The following DLG1 variants were observed in gnomAD, a reference collection of about 807,000 sequenced individuals.
DLG1 encodes disks large homolog 1.
A neutral mutation model predicts 123.4 loss-of-function variants in DLG1; 42 were observed. The ratio of observed to expected loss-of-function variants is 0.34; its 90% CI spans 0.27 to 0.44. The LOEUF (loss-of-function observed/expected upper bound fraction) is 0.44. DLG1 is among the 20% of genes least tolerant of loss of function. The probability of loss-of-function intolerance (pLI) is 1.00; values close to 1 mark genes in which losing one functional copy is unlikely to be tolerated. For missense variants in DLG1, 942 were observed against 1,082.6 expected, an observed-to-expected ratio of 0.87 and a Z score of 1.82; for synonymous variants, 317 against 356.2, an observed-to-expected ratio of 0.89 and a Z score of 1.24.
intron 3 of DLG1, among the ~76,000 whole-genome samples, chr3:197,289,367 C>A (rs1773719119): frequency 6.6e-6 from 1 of 151,832 alleles, no homozygotes; most frequent in Non-Finnish European, 1.5e-5. Context: ...CACACACACA[C>A]AAATAACATT....
At chr3:197,213,807 T>C (rs1261850435) in intron 4 of DLG1, among the ~76,000 whole-genome samples, 2 of 152,246 alleles carry the variant, frequency 1.3e-5, no homozygotes, top group Non-Finnish European at 2.9e-5. Flanking sequence ...ATAATGTTTT[T>C]GCAATCAAAA....
At chr3:197,154,641 C>T (rs900216966) in intron 5 of DLG1, among the ~76,000 whole-genome samples, 2 of 151,740 alleles carry the variant, frequency 1.3e-5, no homozygotes, top group Non-Finnish European at 2.9e-5. Flanking sequence ...CACCACTGCA[C>T]TCCAGCCTGG....
intron 11 of DLG1, among the ~76,000 whole-genome samples, chr3:197,125,963 C>T (rs73210510): frequency 0.14 from 20,672 of 150,310 alleles, 1,771 homozygotes; most frequent in South Asian, 0.35. Context: ...ACAAGTAAAA[C>T]TCACTTATGT....
At chr3:197,147,025 C>T (rs770132822) in intron 6 of DLG1, among the ~76,000 whole-genome samples, 18 of 152,066 alleles carry the variant, frequency 1.2e-4, no homozygotes, top group Non-Finnish European at 2.6e-4. Flanking sequence ...ACGCAAATGG[C>T]TGACAAGCAT....
At chr3:197,129,978 C>T (rs980694151) in intron 11 of DLG1, among the ~76,000 whole-genome samples, 10 of 151,894 alleles carry the variant, frequency 6.6e-5, no homozygotes, top group Admixed American at 3.3e-4. Flanking sequence ...TGAAATATTG[C>T]GAGATTTACC....
intron 5 of DLG1, among the ~76,000 whole-genome samples, chr3:197,160,688 T>C (rs1798442206): frequency 6.6e-6 from 1 of 152,344 alleles, no homozygotes; most frequent in South Asian, 2.1e-4. Flanking sequence ...GTTGTATGGA[T>C]GTTCCCACTG....
chr3:197,250,543 C>A (rs1170226863), intron 4 of DLG1, among the ~76,000 whole-genome samples: 1 of 146,228 alleles, frequency 6.8e-6, no homozygotes, highest in Non-Finnish European at 1.5e-5. Flanking sequence ...CACTCCAGCC[C>A]TGGCGACAGA....
At chr3:197,119,723 T>C (rs1279612380) in intron 11 of DLG1, among the ~76,000 whole-genome samples, 193 bp from the exon 12 acceptor site, 4 of 152,176 alleles carry the variant, frequency 2.6e-5, no homozygotes, top group Non-Finnish European at 5.9e-5. Flanking sequence ...CCTGAAGTGA[T>C]ACTCCCACCT....
chr3:197,225,685 A>G (rs1739500448), intron 4 of DLG1, among the ~76,000 whole-genome samples: 1 of 152,212 alleles, frequency 6.6e-6, no homozygotes. Context: ...CTTTTCTACT[A>G]TATCTTAACT....
chr3:197,284,601 A>G (rs1770913040), intron 3 of DLG1, among the ~76,000 whole-genome samples: 1 of 152,212 alleles, frequency 6.6e-6, no homozygotes, highest in South Asian at 2.1e-4. Context: ...AAGATCCAGA[A>G]AGCTTACCAA....
chr3:197,080,690 A>G (rs570932071), intron 17 of DLG1: 114 of 161,172 alleles, frequency 7.1e-4, no homozygotes, highest in Non-Finnish European at 1.4e-3. Context: ...TCTAACTCCT[A>G]ACCTCAGGTG....
chr3:197,287,547 C>T (rs1772475424), intron 3 of DLG1, among the ~76,000 whole-genome samples: 1 of 151,926 alleles, frequency 6.6e-6, no homozygotes, highest in African/African-American at 2.4e-5. Flanking sequence ...AGTTTAAAAG[C>T]AAGTAACACG....
At chr3:197,289,277 A>G (rs943479334) in intron 3 of DLG1, among the ~76,000 whole-genome samples, 2 of 152,178 alleles carry the variant, frequency 1.3e-5, no homozygotes, top group Non-Finnish European at 2.9e-5. Context: ...CAAGGGAAAT[A>G]ACTGTTTTAC....
At chr3:197,084,931 C>T (rs1578821916) in intron 16 of DLG1, among the ~76,000 whole-genome samples, 1 of 151,458 alleles carries the variant, frequency 6.6e-6, no homozygotes, top group Non-Finnish European at 1.5e-5. Context: ...GGACTACAGG[C>T]GTGTGCCTCC....
intron 4 of DLG1, among the ~76,000 whole-genome samples, chr3:197,281,279 T>C (rs1769234565): frequency 6.6e-6 from 1 of 152,090 alleles, no homozygotes; most frequent in South Asian, 2.1e-4. Flanking sequence ...CCTCAAGCAA[T>C]CCACCCGCCT....
At chr3:197,151,413 A>C (rs1022517922) in intron 5 of DLG1, among the ~76,000 whole-genome samples, 1 of 152,154 alleles carries the variant, frequency 6.6e-6, no homozygotes, top group Admixed American at 6.5e-5. Context: ...ATTTTATAGA[A>C]GTTACCTTTT....
intron 4 of DLG1, among the ~76,000 whole-genome samples, chr3:197,253,936 G>C (rs1169934250): frequency 6.6e-6 from 1 of 150,922 alleles, no homozygotes; most frequent in Non-Finnish European, 1.5e-5. Context: ...AAAAAAAAAA[G>C]GAAATGGAAA....
In DLG1 at chr3:197,042,791, C is replaced by G. The variant is rs1720986129; in HGVS notation, c.*1832G>C. On this transcript the variant is annotated 3_prime_UTR_variant, in exon 25 of 25. Transcript: ENST00000667157. ...AGTCTAACAGCAGCACTGTGTATTT[C>G]AATGTGGTAACACACTCTGCTGCCT... 2.0e-5 allele frequency: 3 copies of G among 152,198 alleles called. No homozygotes were observed. The South Asian group carries it at 6.2e-4, about 31-fold the overall frequency. The allele number at this position is 152,198 out of a possible 1,614,324, so 9.4% of individuals were successfully genotyped here.
chr3:197,223,924 A>G (rs1738437350), intron 4 of DLG1, among the ~76,000 whole-genome samples: 1 of 152,208 alleles, frequency 6.6e-6, no homozygotes, highest in South Asian at 2.1e-4. Context: ...CTTAGAAACT[A>G]TATTTCTACA....
Sources: allele counts gnomAD v4.1 joint callset (sites outside exome capture counted in the v4.1 genomes callset), GRCh38; gene constraint gnomAD v4.1.1; transcripts MANE v1.5; gene names NCBI Gene and HGNC (gene_info 2026-07-23, HGNC 2026-07-21).